The following ABCA13 variants were observed in gnomAD, a reference collection of about 807,000 sequenced individuals.
The protein encoded by ABCA13 is ATP-binding cassette sub-family A member 13.
ABCA13 carries 476 observed loss-of-function variants against 478.7 expected under a neutral mutation model. The observed-to-expected ratio is 0.99, with a 90% CI of 0.92 to 1.07. The LOEUF is 1.07. Among genes scored for constraint, ABCA13 ranks in the 50% least tolerant of loss-of-function variants. The pLI, the probability that ABCA13 is intolerant of heterozygous loss-of-function variation, is 0.00. For synonymous variants in ABCA13, 2,252 were observed against 2,158.9 expected, an observed-to-expected ratio of 1.04 and a Z score of -1.20; for missense variants, 6,060 against 5,910.6, an observed-to-expected ratio of 1.03 and a Z score of -0.83.
intron 3 of ABCA13, among the ~76,000 whole-genome samples, chr7:48,216,089 A>G (rs2128955412): frequency 6.6e-6 from 1 of 152,318 alleles, no homozygotes; most frequent in Non-Finnish European, 1.5e-5. Context: ...AAGTTTTAAA[A>G]TAAATGTATG....
chr7:48,337,009 G>A (rs1479590054), intron 28 of ABCA13, among the ~76,000 whole-genome samples: 1 of 152,212 alleles, frequency 6.6e-6, no homozygotes, highest in Non-Finnish European at 1.5e-5. Context: ...TCCTTGTGAA[G>A]TCTATGGTGT....
At chr7:48,210,244 C>T (rs1584211986) in intron 3 of ABCA13, among the ~76,000 whole-genome samples, 1 of 151,950 alleles carries the variant, frequency 6.6e-6, no homozygotes, top group African/African-American at 2.4e-5. Context: ...GGAAAAAGCC[C>T]CTTATAAAAC....
At chr7:48,617,387 A>C (rs570037888) in intron 59 of ABCA13, among the ~76,000 whole-genome samples, 1 of 152,290 alleles carries the variant, frequency 6.6e-6, no homozygotes, top group South Asian at 2.1e-4. Context: ...TGAGGAGATA[A>C]CTCAGGAGAA....
chr7:48,602,415 G>A (rs571535781), intron 58 of ABCA13, among the ~76,000 whole-genome samples: 1 of 152,278 alleles, frequency 6.6e-6, no homozygotes. Context: ...GTGTAAGGAA[G>A]TGATCCAGTT....
At chr7:48,427,572 C>T (rs1821600777) in intron 41 of ABCA13, among the ~76,000 whole-genome samples, 194 bp from the exon 42 acceptor site, 1 of 152,148 alleles carries the variant, frequency 6.6e-6, no homozygotes, top group African/African-American at 2.4e-5. Context: ...ATCTTTGCAT[C>T]CTATGGGTAG....
chr7:48,179,529 T>C (rs1413993820), intron 1 of ABCA13, among the ~76,000 whole-genome samples: 1 of 152,202 alleles, frequency 6.6e-6, no homozygotes, highest in Non-Finnish European at 1.5e-5. Context: ...GCACCTGTCA[T>C]CCTCCAGGTT....
chr7:48,277,634 A>C (rs148910815), intron 17 of ABCA13, among the ~76,000 whole-genome samples: 13 of 152,292 alleles, frequency 8.5e-5, no homozygotes, highest in South Asian at 6.2e-4. Flanking sequence ...CATACAAGAA[A>C]GGGGCTTCTT....
intron 42 of ABCA13, among the ~76,000 whole-genome samples, chr7:48,436,325 A>G (rs1261219416): frequency 3.3e-5 from 5 of 151,698 alleles, no homozygotes; most frequent in Non-Finnish European, 7.4e-5. Context: ...CATTGTTCAT[A>G]CTATTGTTAT....
intron 40 of ABCA13, among the ~76,000 whole-genome samples, chr7:48,411,292 T>TCTTC (rs1390731449): frequency 1.4e-5 from 1 of 73,490 alleles, no homozygotes; most frequent in Non-Finnish European, 2.9e-5. Flanking sequence ...CCTTCCTTCC[T>TCTTC]TCTTTTCTTT....
chr7:48,539,889 C>T (rs917346657), intron 55 of ABCA13, among the ~76,000 whole-genome samples: 2 of 152,186 alleles, frequency 1.3e-5, no homozygotes, highest in Non-Finnish European at 2.9e-5. Flanking sequence ...CCAAATGCTA[C>T]ATGCTATATC....
intron 3 of ABCA13, among the ~76,000 whole-genome samples, chr7:48,200,490 TG>T (rs976317135): frequency 6.6e-6 from 1 of 152,260 alleles, no homozygotes; most frequent in African/African-American, 2.4e-5. Flanking sequence ...AAAAGCAACC[TG>T]GTGAGATTCT....
intron 19 of ABCA13, among the ~76,000 whole-genome samples, chr7:48,283,846 G>A (rs1043505253): frequency 2.0e-5 from 3 of 152,342 alleles, no homozygotes; most frequent in African/African-American, 7.2e-5. Flanking sequence ...GAAGAAGCAG[G>A]CGCTTTGAGA....
chr7:48,463,396 A>T (rs1320393518), intron 43 of ABCA13, among the ~76,000 whole-genome samples: 1 of 151,990 alleles, frequency 6.6e-6, no homozygotes, highest in Non-Finnish European at 1.5e-5. Context: ...ACTCTCTCTC[A>T]TTTAGGAATA....
chr7:48,411,261 T>C (rs1819167916), intron 40 of ABCA13, among the ~76,000 whole-genome samples: 2 of 136,462 alleles, frequency 1.5e-5, no homozygotes, highest in South Asian at 4.4e-4. Context: ...TTCTCTTTCC[T>C]TCCTTTCCTC....
At chr7:48,625,258 T>A (rs1793556976) in intron 59 of ABCA13, among the ~76,000 whole-genome samples, 1 of 152,162 alleles carries the variant, frequency 6.6e-6, no homozygotes, top group African/African-American at 2.4e-5. Context: ...AATCATAACA[T>A]CTCGGATTAA....
At chr7:48,253,500 G>T (rs1257739595) in intron 15 of ABCA13, among the ~76,000 whole-genome samples, 1 of 152,160 alleles carries the variant, frequency 6.6e-6, no homozygotes, top group Admixed American at 6.5e-5. Flanking sequence ...CATTATTAGG[G>T]ATTTACCTGG....
rs1383539801 is a variant in ABCA13, at chr7:48,273,146, C to T, written c.3480C>T (p.Thr1160=). The stretch of plus-strand genomic sequence containing the variant: ...AAATGTGGACTGAAATCTGGGAAAC[C>T]ATATCTCAATTATTTAAGTTTGACA... ...WLQMWTEIWE[T]ISQLFKFDMN... The change falls in exon 17 of 62, where the codon ACC becomes ACT. Residue 1160 remains threonine, a synonymous_variant. Transcript: ENST00000435803. The T allele has an allele frequency of 1.2e-6, 2 of 1,613,540 alleles. No homozygotes were observed. Among genetic ancestry groups the T allele is most frequent in the African/African-American group, 1.3e-5 (1 of 74,890 alleles).
At chr7:48,513,438 G>T (rs1193606092) in intron 51 of ABCA13, among the ~76,000 whole-genome samples, 2 of 152,138 alleles carry the variant, frequency 1.3e-5, no homozygotes, top group Admixed American at 6.5e-5. Context: ...CCAAAAGAGG[G>T]AAGTAACACC....
intron 23 of ABCA13, among the ~76,000 whole-genome samples, chr7:48,298,913 G>A (rs1197948761): frequency 2.6e-5 from 4 of 152,096 alleles, no homozygotes; most frequent in Non-Finnish European, 5.9e-5. Context: ...GAGTGACTGG[G>A]CACAGTCTGA....
Sources: allele counts gnomAD v4.1 joint callset (sites outside exome capture counted in the v4.1 genomes callset), GRCh38; gene constraint gnomAD v4.1.1; transcripts MANE v1.5; gene names NCBI Gene and HGNC (gene_info 2026-07-23, HGNC 2026-07-21).